CLCC1: variants seen among roughly 807,000 people sequenced by gnomAD.
CLCC1 encodes the protein chloride channel CLIC like 1.
Under a neutral mutation model 63.3 loss-of-function variants are expected in CLCC1, and 39 were observed. The observed-to-expected ratio is 0.62, with a 90% CI of 0.48 to 0.81. The LOEUF is 0.81. Ranked by LOEUF, CLCC1 falls within the 30% of genes least tolerant of loss-of-function variation. The pLI is 0.00. For synonymous variants in CLCC1, 217 were observed against 239.8 expected (o/e 0.90, Z 0.88); for missense variants, 549 against 669.4 (o/e 0.82, Z 1.98).
intron 8 of CLCC1, among the ~76,000 whole-genome samples, chr1:108,940,353 CAT>C (rs934583248): frequency 5.3e-5 from 8 of 152,192 alleles, no homozygotes; most frequent in Admixed American, 2.6e-4. Flanking sequence ...TCAAATTATA[CAT>C]GTTTTATGCA....
At chr1:108,955,005 G>C (rs1655696588) in intron 2 of CLCC1, among the ~76,000 whole-genome samples, 1 of 151,162 alleles carries the variant, frequency 6.6e-6, no homozygotes, top group African/African-American at 2.5e-5. Context: ...CTAATTTTTT[G>C]TATTTTTAGT....
At chr1:108,956,882 A>AGGCTGGGAGGCTGGGAGGCGGGGAGGCG (rs756017179) in intron 2 of CLCC1, among the ~76,000 whole-genome samples, 44 of 104,468 alleles carry the variant, frequency 4.2e-4, no homozygotes, top group Non-Finnish European at 6.5e-4. Context: ...GCTGGGAGGC[A>AGGCTGGGAGGCTGGGAGGCGGGGAGGCG]GGGAGGCGGG....
rs893694383 is a variant in CLCC1, at chr1:108,936,594, ACTT to A, written c.1383+480_1383+482del. Among the ~76,000 whole-genome samples the A allele has an allele frequency of 1.7e-3, 262 of 152,264 alleles. 2 individuals are homozygous for A. Among genetic ancestry groups the A allele is most frequent in the African/African-American group, 5.9e-3 (246 of 41,550 alleles). On this transcript the variant is annotated intron_variant, in intron 11 of 12. Transcript: ENST00000369969. ...TTTAAAAGACTGATAATGGTGAAAA[ACTT>A]CTTCTTACCATTCTACAGGTAAAAA...
intron 5 of CLCC1, among the ~76,000 whole-genome samples, chr1:108,944,395 C>G (rs1026824595): frequency 6.6e-6 from 1 of 151,876 alleles, no homozygotes; most frequent in Non-Finnish European, 1.5e-5. Context: ...GTCTGTGCCC[C>G]GGATTCGAGG....
intron 2 of CLCC1, among the ~76,000 whole-genome samples, chr1:108,951,652 G>A (rs2101690235): frequency 6.9e-6 from 1 of 145,054 alleles, no homozygotes; most frequent in Non-Finnish European, 1.5e-5. Flanking sequence ...GAAGGTTTGG[G>A]AGTATAGTAG....
intron 5 of CLCC1, among the ~76,000 whole-genome samples, chr1:108,945,263 A>G (rs1654391505): frequency 6.6e-6 from 1 of 152,188 alleles, no homozygotes; most frequent in Non-Finnish European, 1.5e-5. Flanking sequence ...ACCTCAGCTC[A>G]GCACTACATC....
At position 108,930,104 on chromosome 1, in the gene CLCC1, T is replaced by C. The variant is rs1221010329; in HGVS notation, c.*2443A>G. 3.0e-6 allele frequency: 2 copies of C among 666,826 alleles called. No individual in the cohort carries two copies. Among genetic ancestry groups the C allele is most frequent in the East Asian group, 2.7e-5 (1 of 36,724 alleles). 41.3% of individuals were successfully genotyped at this position (666,826 alleles called of 1,614,324 possible). A position where few individuals can be genotyped will look rare whatever the true frequency, so the allele number is the denominator to read the frequency against. On this transcript the variant is annotated 3_prime_UTR_variant, in exon 13 of 13. Coordinates refer to ENST00000369969, the MANE Select transcript of CLCC1 (RefSeq NM_001377458.1). ...GTCTATTAAGGCATTAATACTTCTC[T>C]GGACATGCGCGTTTGAGGGTGGAGG... is the stretch of plus-strand genomic sequence containing the variant.
chr1:108,956,544 C>T (rs1216598894), intron 2 of CLCC1, among the ~76,000 whole-genome samples: 1 of 150,614 alleles, frequency 6.6e-6, no homozygotes, highest in Non-Finnish European at 1.5e-5. Flanking sequence ...GCCTGTAGTC[C>T]CAGCTACTCG....
intron 2 of CLCC1, among the ~76,000 whole-genome samples, chr1:108,957,969 C>G (rs1002790315): frequency 6.6e-6 from 1 of 151,288 alleles, no homozygotes; most frequent in South Asian, 2.1e-4. Flanking sequence ...AGAGATAATT[C>G]TAGTGAGTGC....
intron 11 of CLCC1, 43 bp from the exon 12 acceptor site, chr1:108,934,985 G>A: frequency 3.3e-6 from 5 of 1,534,512 alleles, no homozygotes; most frequent in Non-Finnish European, 4.4e-6. Flanking sequence ...AATGTAATGT[G>A]AAGTCTTAGT....
intron 12 of CLCC1, 104 bp downstream of exon 12, chr1:108,934,521 A>T: frequency 1.2e-6 from 1 of 865,500 alleles, no homozygotes. Flanking sequence ...AATTGTCAGT[A>T]AAAATGTGAA....
chr1:108,959,175 AAAAT>A (rs572591868), intron 2 of CLCC1, among the ~76,000 whole-genome samples: 2 of 152,094 alleles, frequency 1.3e-5, no homozygotes, highest in Non-Finnish European at 2.9e-5. Flanking sequence ...ACACCGTCTC[AAAAT>A]AAATAAATAA....
intron 10 of CLCC1, among the ~76,000 whole-genome samples, chr1:108,937,789 A>G (rs866559450): frequency 6.6e-6 from 1 of 152,268 alleles, no homozygotes; most frequent in Non-Finnish European, 1.5e-5. Flanking sequence ...TTAAAGTTGT[A>G]TATCATTATG....
chr1:108,962,026 C>T (rs957412958), intron 2 of CLCC1, among the ~76,000 whole-genome samples: 1 of 152,124 alleles, frequency 6.6e-6, no homozygotes, highest in African/African-American at 2.4e-5. Flanking sequence ...GTGGTAGAAC[C>T]CAGACTGGCT....
At chr1:108,944,195 C>T (rs1388082658) in intron 5 of CLCC1, 138 bp from the exon 6 acceptor site, 10 of 667,724 alleles carry the variant, frequency 1.5e-5, no homozygotes, top group Admixed American at 3.0e-5. Context: ...ATAGCCTGGG[C>T]AAGGTAGCTC....
At position 108,937,295 on chromosome 1, in the gene CLCC1, G is replaced by A. The variant is rs1314266614; in HGVS notation, c.1165C>T (p.Pro389Ser). Reference protein sequence around the residue: ...RRRQEEIDYRPDGGAGDADFH... With the variant: ...RRRQEEIDYRSDGGAGDADFH... ...TCGGCATCACCTGCTCCACCATCAGGTCTATAATCAATTTCCTCCTGCCGT... is the reference window on the plus strand; with the variant it reads ...TCGGCATCACCTGCTCCACCATCAGATCTATAATCAATTTCCTCCTGCCGT... The change falls in exon 11 of 13, where the codon CCT becomes TCT. Residue 389 changes from proline to serine, a missense_variant. Physicochemically the swap from Pro to Ser is moderately conservative, Grantham distance 74. Transcript: ENST00000369969. 6.2e-7 allele frequency: 1 copy of A among 1,614,226 alleles called. No homozygotes were observed. The highest frequency in any genetic ancestry group is 8.5e-7 in the Non-Finnish European group (1 of 1,180,044).
chr1:108,931,490 GA>G lies in CLCC1; in HGVS notation c.*1056del. ...CTTGCTTCAGACTGTGCACAGCTGG[GA>G]TGGGATCTGGGGATGTGGACCCCTA... On this transcript the variant is annotated 3_prime_UTR_variant, in exon 13 of 13. Coordinates refer to ENST00000369969, the MANE Select transcript of CLCC1 (RefSeq NM_001377458.1). The G allele has an allele frequency of 6.5e-7, 1 of 1,549,998 alleles. No homozygotes were observed. Among genetic ancestry groups the G allele is most frequent in the Non-Finnish European group, 8.7e-7 (1 of 1,146,730 alleles).
At chr1:108,946,829 G>C (rs1654601231) in intron 5 of CLCC1, among the ~76,000 whole-genome samples, 2 of 152,002 alleles carry the variant, frequency 1.3e-5, no homozygotes, top group East Asian at 3.8e-4. Context: ...TTAAGTCTGG[G>C]AAGTTTTCAC....
chr1:108,960,172 C>A (rs1362078019), intron 2 of CLCC1, among the ~76,000 whole-genome samples: 4 of 152,086 alleles, frequency 2.6e-5, no homozygotes, highest in Non-Finnish European at 5.9e-5. Flanking sequence ...ACACTAAAAT[C>A]ACTGTTATGC....
Sources: allele counts gnomAD v4.1 joint callset (sites outside exome capture counted in the v4.1 genomes callset), GRCh38; gene constraint gnomAD v4.1.1; transcripts MANE v1.5; gene names NCBI Gene and HGNC (gene_info 2026-07-23, HGNC 2026-07-21).